ANK1: variants seen among roughly 807,000 people sequenced by gnomAD.
The protein encoded by ANK1 is ankyrin 1.
A neutral mutation model predicts 210.4 loss-of-function variants in ANK1; 51 were observed. The observed-to-expected ratio is 0.24, with a 90% CI of 0.19 to 0.31. The LOEUF (loss-of-function observed/expected upper bound fraction) is 0.31. Ranked by LOEUF, ANK1 falls within the 10% of genes least tolerant of loss-of-function variation. The pLI, the probability that ANK1 is intolerant of heterozygous loss-of-function variation, is 1.00. For synonymous variants in ANK1, 967 were observed against 1,025.9 expected, an observed-to-expected ratio of 0.94 and a Z score of 1.10; for missense variants, 2,051 against 2,504.4, an observed-to-expected ratio of 0.82 and a Z score of 3.86.
intron 2 of ANK1, among the ~76,000 whole-genome samples, chr8:41,756,475 C>T (rs1471596217): frequency 6.7e-6 from 1 of 149,226 alleles, no homozygotes; most frequent in Admixed American, 6.8e-5. Context: ...TGGAGTCTCG[C>T]TCTGTCACCC....
At chr8:41,896,236 C>T (rs1820505252) in intron 1 of ANK1, 2 of 1,343,032 alleles carry the variant, frequency 1.5e-6, no homozygotes, top group African/African-American at 1.6e-5. Context: ...GCTCGGGTGC[C>T]GCCAACTCCG....
rs185331637 is a variant in ANK1 at position 41,684,810 on chromosome 8, G to A, written c.4391-120C>T. On this transcript the variant is annotated intron_variant, in intron 36 of 42. Coordinates refer to ENST00000289734, the MANE Select transcript of ANK1 (RefSeq NM_000037.4). ...GAGATAATTTTTTTCAGAAGGTGGA[G>A]GCACCCTCTTTTATTAGAGTCAAAA... 7.8e-4 allele frequency: 1,002 copies of A among 1,289,630 alleles called. 6 individuals are homozygous for A. In the African/African-American group the frequency reaches 0.013, roughly 17 times the overall value. The allele number at this position is 1,289,630 out of a possible 1,614,324, so 79.9% of individuals were successfully genotyped here. A position where few individuals can be genotyped will look rare whatever the true frequency, so the allele number is the denominator to read the frequency against.
chr8:41,656,081 G>C (rs1447719164), intron 42 of ANK1, among the ~76,000 whole-genome samples: 1 of 152,276 alleles, frequency 6.6e-6, no homozygotes, highest in Admixed American at 6.5e-5. Flanking sequence ...TTGGAGAGGG[G>C]CAGAGGCCCC....
In ANK1 at chr8:41,701,488, C is replaced by T. The variant is rs573350452; in HGVS notation, c.2461+62G>A. 6 of 1,530,064 alleles carry T rather than the reference C, an allele frequency of 3.9e-6. No individual in the cohort carries two copies. In the African/African-American group the frequency reaches 6.8e-5, roughly 17 times the overall value. The allele number at this position is 1,530,064 out of a possible 1,614,324, so 94.8% of individuals were successfully genotyped here. On this transcript the variant is annotated intron_variant, in intron 22 of 42. Transcript: ENST00000289734. ...AAAGCCGGCAGGTGGCAGGAAGCCCCCTTGGAGGGTGCCCGGAGCCCCTCT... is the reference window on the plus strand; with the variant it reads ...AAAGCCGGCAGGTGGCAGGAAGCCCTCTTGGAGGGTGCCCGGAGCCCCTCT...
At chr8:41,805,167 CTCTT>C (rs149004947) in intron 1 of ANK1, among the ~76,000 whole-genome samples, 14,928 of 150,490 alleles carry the variant, frequency 0.099, 2,285 homozygotes, top group African/African-American at 0.33. Context: ...TTCTCTCTCT[CTCTT>C]TCTTTCTTTC....
At chr8:41,675,771 C>T (rs571600374) in intron 37 of ANK1, among the ~76,000 whole-genome samples, 5 of 152,312 alleles carry the variant, frequency 3.3e-5, no homozygotes, top group African/African-American at 1.2e-4. Flanking sequence ...CCTCTGCCAA[C>T]CCCAAACCAT....
At chr8:41,693,315 C>G in intron 29 of ANK1, 114 bp from the exon 30 acceptor site, 1 of 945,990 alleles carries the variant, frequency 1.1e-6, no homozygotes, top group Admixed American at 1.9e-5. Context: ...CTCACTTTGT[C>G]TGCAGCCCTG....
rs1022313801 is a variant in ANK1 at position 41,725,671 on chromosome 8, T to C, written c.612+90A>G. 8 of 1,523,094 alleles carry C rather than the reference T, an allele frequency of 5.3e-6. No individual in the cohort carries two copies. In the South Asian group the frequency reaches 5.9e-5, roughly 11 times the overall value. 94.3% of individuals were successfully genotyped at this position (1,523,094 alleles called of 1,614,324 possible). A position where few individuals can be genotyped will look rare whatever the true frequency, so the allele number is the denominator to read the frequency against. On this transcript the variant is annotated intron_variant, in intron 6 of 42. Coordinates refer to ENST00000289734, the MANE Select transcript of ANK1 (RefSeq NM_000037.4). ...ACTGCCCGCCCTGCACGCTCGGTTC[T>C]CCTGCCTGGGAAGTCGCTGGGCGTG...
intron 4 of ANK1, 118 bp downstream of exon 4, chr8:41,727,790 C>T: frequency 1.1e-6 from 1 of 938,372 alleles, no homozygotes; most frequent in Admixed American, 1.9e-5. Context: ...GAAATCTAGG[C>T]CCTGCCCCAC....
intron 1 of ANK1, among the ~76,000 whole-genome samples, chr8:41,835,932 C>A (rs1807604886): frequency 6.6e-6 from 1 of 152,214 alleles, no homozygotes; most frequent in Non-Finnish European, 1.5e-5. Context: ...CCCAGAGTCT[C>A]CCATAGGCCC....
chr8:41,763,889 C>CTGTTTTTTT (rs1841106660), intron 1 of ANK1, among the ~76,000 whole-genome samples: 1 of 57,808 alleles, frequency 1.7e-5, no homozygotes, highest in Non-Finnish European at 3.0e-5. Context: ...TTCTTTTTTT[C>CTGTTTTTTT]TTTTTTTTTT....
intron 39 of ANK1, among the ~76,000 whole-genome samples, chr8:41,667,131 C>A (rs979612456): frequency 6.6e-6 from 1 of 152,206 alleles, no homozygotes. Flanking sequence ...ACGGACGGGC[C>A]GCCTGTGGTG....
At chr8:41,837,208 C>T (rs1051704968) in intron 1 of ANK1, among the ~76,000 whole-genome samples, 1 of 152,196 alleles carries the variant, frequency 6.6e-6, no homozygotes, top group Admixed American at 6.5e-5. Flanking sequence ...TGCAGGAGAG[C>T]TTTATAGCTA....
upstream of ANK1, among the ~76,000 whole-genome samples, chr8:41,802,404 A>G (rs998660897): frequency 6.6e-6 from 1 of 152,130 alleles, no homozygotes; most frequent in Non-Finnish European, 1.5e-5. Flanking sequence ...TGCACCATTG[A>G]TTAGCCCATC....
intron 1 of ANK1, among the ~76,000 whole-genome samples, chr8:41,770,196 T>C (rs1842740587): frequency 6.6e-6 from 1 of 152,160 alleles, no homozygotes; most frequent in African/African-American, 2.4e-5. Flanking sequence ...TTGGTCAGGC[T>C]GGTCTTGAAC....
intron 1 of ANK1, among the ~76,000 whole-genome samples, chr8:41,788,217 T>G (rs779051182): frequency 2.0e-5 from 3 of 152,242 alleles, no homozygotes; most frequent in Non-Finnish European, 4.4e-5. Context: ...TTTCTCTGAT[T>G]GCGCCCTTAC....
chr8:41,726,087 C>A, intron 5 of ANK1, 141 bp from the exon 6 acceptor site: 1 of 962,232 alleles, frequency 1.0e-6, no homozygotes, highest in Non-Finnish European at 1.6e-6. Context: ...CCTCTTCATC[C>A]GCCAAGTTTA....
chr8:41,788,909 C>T (rs1250120609), intron 1 of ANK1: 2 of 152,340 alleles, frequency 1.3e-5, no homozygotes, highest in Non-Finnish European at 2.9e-5. Flanking sequence ...TCATCCTCAT[C>T]TCCTACTCTG....
chr8:41,733,410 A>G (rs1411913851), intron 3 of ANK1, among the ~76,000 whole-genome samples: 1 of 152,242 alleles, frequency 6.6e-6, no homozygotes, highest in African/African-American at 2.4e-5. Flanking sequence ...ATTCCTTACT[A>G]CAGGAATCAG....
Sources: gnomAD v4.1 joint callset for allele counts (sites outside exome capture counted in the v4.1 genomes callset) on GRCh38, gnomAD v4.1.1 for gene constraint, MANE v1.5 for transcripts, NCBI Gene and HGNC (gene_info 2026-07-23, HGNC 2026-07-21) for gene names.